The following MICU3 variants were observed in gnomAD, a reference collection of about 807,000 sequenced individuals.
MICU3 encodes calcium uptake protein 3, mitochondrial.
A neutral mutation model predicts 66.5 loss-of-function variants in MICU3; 62 were observed. The observed-to-expected ratio is 0.93, with a 90% CI of 0.76 to 1.15. MICU3 has a LOEUF of 1.15. Ranked by LOEUF, MICU3 falls within the 50% of genes most tolerant of loss-of-function variation. The pLI is 0.00. For synonymous variants in MICU3, 308 were observed against 240.7 expected (o/e 1.28, Z -2.59); for missense variants, 779 against 664.4 (o/e 1.17, Z -1.90).
the MICU3 span, chr8:17,131,358 G>C: frequency 6.6e-6 from 1 of 151,874 alleles, no homozygotes; most frequent in East Asian, 1.9e-4. Flanking sequence ...TCGTAAGTGG[G>C]AGCATAAGTG....
chr8:17,134,119 T>C, the MICU3 span: 1 of 152,214 alleles, frequency 6.6e-6, no homozygotes, highest in Non-Finnish European at 1.5e-5. Flanking sequence ...TTGGACTGAT[T>C]GACAATTGTA....
chr8:17,113,998 C>G, intron 11 of MICU3, 95 bp from the exon 12 acceptor site: 3 of 703,300 alleles, frequency 4.3e-6, no homozygotes, highest in South Asian at 2.3e-5. Flanking sequence ...AGATACATTG[C>G]AAATGCTTAA....
rs568813686 is a variant in MICU3, at chr8:17,108,278, A to G, written c.1257+2694A>G. On this transcript the variant is annotated intron_variant, in intron 11 of 14. Coordinates refer to ENST00000318063, the MANE Select transcript of MICU3 (RefSeq NM_181723.3). ...GCAGGCAAGTTGGATATGTGAATCT[A>G]GCGGTCAAGGGTGCAGTCAGGACTA... Among the ~76,000 whole-genome samples, 7 of 152,272 alleles carry G rather than the reference A, an allele frequency of 4.6e-5. No individual in the cohort carries two copies. In the South Asian group the frequency reaches 1.4e-3, roughly 32 times the overall value.
chr8:17,027,548 G>A lies in MICU3; in HGVS notation c.269G>A (p.Arg90Lys), dbSNP rs1811204873. The change falls in exon 1 of 15, where the codon AGG (arginine) becomes AAG (lysine). Residue 90 changes from arginine to lysine, a missense_variant. By Grantham distance (26) the Arg-to-Lys change is conservative. Coordinates refer to ENST00000318063, the MANE Select transcript of MICU3 (RefSeq NM_181723.3). ...TGCTACCAGCTGTACGGGGACCCCA[G>A]GGCCGGCTCGCCGGCGACCGGGCGA... ...LVCYQLYGDP[R>K]AGSPATGRPS... is the part of the protein sequence containing the mutation. 1 of 1,281,220 alleles carries A rather than the reference G, an allele frequency of 7.8e-7. No homozygotes were observed. Among genetic ancestry groups the A allele is most frequent in the African/African-American group, 1.5e-5 (1 of 64,632 alleles). The allele number at this position is 1,281,220 out of a possible 1,614,324, so 79.4% of individuals were successfully genotyped here.
chr8:17,096,320 G>C (rs1800683330), intron 8 of MICU3, among the ~76,000 whole-genome samples: 1 of 151,820 alleles, frequency 6.6e-6, no homozygotes, highest in South Asian at 2.1e-4. Context: ...TTAAAATCTA[G>C]TCTGACTTTC....
At chr8:17,078,020 G>T (rs1201326092) in intron 4 of MICU3, among the ~76,000 whole-genome samples, 159 bp downstream of exon 4, 49 of 151,670 alleles carry the variant, frequency 3.2e-4, no homozygotes, top group Admixed American at 3.2e-3. Flanking sequence ...AACATTTCTG[G>T]GTATTAATGT....
At chr8:17,071,625 A>G (rs1193462145) in intron 3 of MICU3, among the ~76,000 whole-genome samples, 2 of 152,180 alleles carry the variant, frequency 1.3e-5, no homozygotes, top group African/African-American at 4.8e-5. Context: ...GGCTCTAAGG[A>G]TTAGAATAGA....
Position 17,027,636 on chromosome 8 carries a change from C to A in MICU3, c.357C>A (p.Ile119=). ...CCCGCGGCCGGGGGATGCTGCCCAT[C>A]CCAGTGGCGGCTGCCAAGGAGACGG... is the stretch of plus-strand genomic sequence containing the variant. ...DPPRGRGMLP[I]PVAAAKETVA... Residue 119 remains isoleucine (I), a synonymous_variant, in exon 1 of 15, where the codon ATC becomes ATA. Transcript: ENST00000318063. The A allele has an allele frequency of 1.5e-6, 2 of 1,305,364 alleles. No homozygotes were observed. Among genetic ancestry groups the A allele is most frequent in the South Asian group, 4.6e-5 (2 of 43,660 alleles). 80.9% of individuals were successfully genotyped at this position (1,305,364 alleles called of 1,614,324 possible).
intron 1 of MICU3, among the ~76,000 whole-genome samples, chr8:17,031,341 G>A (rs1292892504): frequency 5.3e-5 from 8 of 150,650 alleles, no homozygotes; most frequent in African/African-American, 2.0e-4. Flanking sequence ...AGGCTGGACT[G>A]CAGGGGTGTG....
chr8:17,100,589 T>C (rs1801170602), intron 9 of MICU3, among the ~76,000 whole-genome samples: 1 of 151,708 alleles, frequency 6.6e-6, no homozygotes, highest in Admixed American at 6.6e-5. Context: ...TGGAAATCTA[T>C]TTGTTATATG....
intron 8 of MICU3, among the ~76,000 whole-genome samples, chr8:17,097,687 A>T (rs1800858822): frequency 6.6e-6 from 1 of 151,724 alleles, no homozygotes; most frequent in Non-Finnish European, 1.5e-5. Flanking sequence ...AACCTGTGAA[A>T]TCTTCCCTGA....
the MICU3 span, among the ~76,000 whole-genome samples, chr8:17,136,391 T>G: frequency 6.6e-6 from 1 of 152,100 alleles, no homozygotes; most frequent in Non-Finnish European, 1.5e-5. Flanking sequence ...CTTGCACAGT[T>G]GGGTTGGGTT....
At chr8:17,113,784 G>T (rs1403389252) in intron 11 of MICU3, among the ~76,000 whole-genome samples, 1 of 151,712 alleles carries the variant, frequency 6.6e-6, no homozygotes, top group Admixed American at 6.6e-5. Flanking sequence ...ATAAAAGAGA[G>T]GATTTTCAAA....
chr8:17,110,320 G>A (rs543398755), intron 11 of MICU3, among the ~76,000 whole-genome samples: 3 of 152,052 alleles, frequency 2.0e-5, no homozygotes, highest in Non-Finnish European at 4.4e-5. Context: ...GTGAGATTTA[G>A]TGAATTCACA....
chr8:17,051,536 T>C (rs1241538085), intron 1 of MICU3, among the ~76,000 whole-genome samples: 1 of 152,224 alleles, frequency 6.6e-6, no homozygotes, highest in East Asian at 1.9e-4. Context: ...GGATTGGCCC[T>C]AGGGCAGTGT....
At chr8:17,047,390 A>G (rs1815268014) in intron 1 of MICU3, among the ~76,000 whole-genome samples, 1 of 152,240 alleles carries the variant, frequency 6.6e-6, no homozygotes, top group Non-Finnish European at 1.5e-5. Flanking sequence ...GACAGTCCAA[A>G]ATTCATCTAT....
chr8:17,081,756 G>T lies in MICU3; in HGVS notation c.694+16G>T. 2 of 921,320 alleles carry T rather than the reference G, an allele frequency of 2.2e-6. No individual in the cohort carries two copies. The highest frequency in any genetic ancestry group is 2.3e-5 in the Admixed American group (1 of 43,070). 57.1% of individuals were successfully genotyped at this position (921,320 alleles called of 1,614,324 possible). A position where few individuals can be genotyped will look rare whatever the true frequency, so the allele number is the denominator to read the frequency against. On this transcript the variant is annotated intron_variant, in intron 5 of 14. Transcript: ENST00000318063. ...ATTTTAACAAGTAAGTATACTTATT[G>T]CTTTTATTTCTGGATGCAGCTTTAT...
rs1189856925 is a variant in MICU3, at chr8:17,077,969, ATGC to A, written c.646+109_646+111del. On this transcript the variant is annotated intron_variant, in intron 4 of 14. Coordinates refer to ENST00000318063, the MANE Select transcript of MICU3 (RefSeq NM_181723.3). Reference sequence around the variant, plus strand: ...TAATTTTTAAATTACATCTATGTGTATGCATAGAGAAAAAACTGAAGAAGAAAA... The same window carrying A: ...TAATTTTTAAATTACATCTATGTGTAATAGAGAAAAAACTGAAGAAGAAAA... The A allele has an allele frequency of 3.6e-3, 1,982 of 546,118 alleles. 35 individuals carry two copies. The highest frequency in any genetic ancestry group is 0.034 in the African/African-American group (1,747 of 51,442). The allele number at this position is 546,118 out of a possible 1,614,324, so 33.8% of individuals were successfully genotyped here. A position where few individuals can be genotyped will look rare whatever the true frequency, so the allele number is the denominator to read the frequency against.
intron 4 of MICU3, among the ~76,000 whole-genome samples, chr8:17,081,389 TAA>T (rs1299063158): frequency 1.3e-5 from 2 of 152,110 alleles, no homozygotes; most frequent in East Asian, 1.9e-4. Flanking sequence ...TATTTTGTGT[TAA>T]GAGTCGTACA....
Sources: gnomAD v4.1 joint callset for allele counts (sites outside exome capture counted in the v4.1 genomes callset) on GRCh38, gnomAD v4.1.1 for gene constraint, MANE v1.5 for transcripts, NCBI Gene and HGNC (gene_info 2026-07-23, HGNC 2026-07-21) for gene names.